Variants in RAB6A observed in about 807,000 individuals in gnomAD.
The protein encoded by RAB6A is ras-related protein Rab-6A.
In RAB6A, 8 loss-of-function variants were observed where a neutral mutation model predicts 32.3. The observed-to-expected ratio is 0.25, with a 90% CI of 0.15 to 0.45. The LOEUF is 0.45. Ranked by LOEUF, RAB6A falls within the 20% of genes least tolerant of loss-of-function variation. The probability of loss-of-function intolerance (pLI) is 1.00; values close to 1 mark genes in which losing one functional copy is unlikely to be tolerated. For synonymous variants in RAB6A, 73 were observed against 82.1 expected (o/e 0.89, Z 0.60); for missense variants, 104 against 249.4 (o/e 0.42, Z 3.93).
At chr11:73,694,939 C>T (rs1345247560) in intron 6 of RAB6A, among the ~76,000 whole-genome samples, 1 of 152,146 alleles carries the variant, frequency 6.6e-6, no homozygotes, top group East Asian at 1.9e-4. Flanking sequence ...TCGCTTGAAC[C>T]CAGGAGATTG....
At chr11:73,708,565 A>G (rs1166884557) in intron 5 of RAB6A, among the ~76,000 whole-genome samples, 4 of 152,234 alleles carry the variant, frequency 2.6e-5, no homozygotes, top group Non-Finnish European at 5.9e-5. Context: ...TTACCTTTAC[A>G]GGGTATTTTG....
chr11:73,757,521 T>C (rs1382674519), intron 1 of RAB6A, among the ~76,000 whole-genome samples: 1 of 152,084 alleles, frequency 6.6e-6, no homozygotes, highest in Non-Finnish European at 1.5e-5. Flanking sequence ...TTCAAATCAG[T>C]TCCATGAGCA....
intron 1 of RAB6A, among the ~76,000 whole-genome samples, chr11:73,745,665 T>C (rs890235596): frequency 2.6e-5 from 4 of 152,144 alleles, no homozygotes; most frequent in Admixed American, 2.6e-4. Flanking sequence ...ACCCTGTCTC[T>C]ACTAAAAATA....
chr11:73,714,207 A>AT (rs56359106), intron 5 of RAB6A, among the ~76,000 whole-genome samples: 981 of 71,234 alleles, frequency 0.014, 4 homozygotes, highest in South Asian at 0.016. Flanking sequence ...AAAAAAAAAA[A>AT]AAATATATAT....
At chr11:73,709,966 T>A (rs201893413) in intron 5 of RAB6A, among the ~76,000 whole-genome samples, 53,505 of 143,226 alleles carry the variant, frequency 0.37, 12,154 homozygotes, top group East Asian at 0.57. Flanking sequence ...TATATATTTT[T>A]TTTTTTTTTT....
At position 73,716,252 on chromosome 11, in the gene RAB6A, T is replaced by G. The variant is rs1249463207; in HGVS notation, c.400A>C (p.Arg134=). ...CACACATATAAAATAACTCCATACC[T>G]CTTGTCAGCAAGATCTGTTTTATTT... ...VGNKTDLADK[R]QVSIEEGERK... is the part of the protein sequence containing the mutation. The change falls in exon 5 of 8, where the codon AGG becomes CGG. Residue 134 remains arginine (R), a splice_region_variant and synonymous_variant. Transcript: ENST00000336083. 6.3e-7 allele frequency: 1 copy of G among 1,597,236 alleles called. No homozygotes were observed. The highest frequency in any genetic ancestry group is 1.7e-5 in the Admixed American group (1 of 59,844).
intron 1 of RAB6A, among the ~76,000 whole-genome samples, chr11:73,741,121 GACAAA>G (rs1232843088): frequency 1.3e-5 from 2 of 151,936 alleles, no homozygotes; most frequent in African/African-American, 4.8e-5. Flanking sequence ...ATATTTACCT[GACAAA>G]ACAAAATATA....
chr11:73,683,956 G>A (rs1288530567), intron 6 of RAB6A, among the ~76,000 whole-genome samples: 1 of 152,140 alleles, frequency 6.6e-6, no homozygotes, highest in Non-Finnish European at 1.5e-5. Context: ...GATCAATGCA[G>A]AAAACTACAT....
At chr11:73,733,776 T>C (rs1292840594) in intron 1 of RAB6A, among the ~76,000 whole-genome samples, 2 of 151,974 alleles carry the variant, frequency 1.3e-5, no homozygotes, top group Admixed American at 1.3e-4. Flanking sequence ...TTAATGCTGA[T>C]AGAAGTCAAG....
At chr11:73,742,641 G>T (rs867620691) in intron 1 of RAB6A, among the ~76,000 whole-genome samples, 1 of 151,976 alleles carries the variant, frequency 6.6e-6, no homozygotes, top group South Asian at 2.1e-4. Flanking sequence ...GAGAAACCCC[G>T]TCGCTACTAA....
intron 1 of RAB6A, among the ~76,000 whole-genome samples, chr11:73,753,754 C>G (rs1946704384): frequency 6.6e-6 from 1 of 152,044 alleles, no homozygotes. Context: ...CTCAAGTGAT[C>G]TGCCCACCTA....
intron 6 of RAB6A, among the ~76,000 whole-genome samples, chr11:73,686,768 G>A (rs1053002873): frequency 1.3e-5 from 2 of 152,088 alleles, no homozygotes; most frequent in African/African-American, 4.8e-5. Flanking sequence ...TCCAGGGCAA[G>A]TACTGCTATA....
At chr11:73,682,199 T>C (rs983884434) in intron 6 of RAB6A, among the ~76,000 whole-genome samples, 2 of 152,094 alleles carry the variant, frequency 1.3e-5, no homozygotes, top group Non-Finnish European at 2.9e-5. Context: ...GACACGAGCT[T>C]GTAATCCTAG....
chr11:73,739,282 A>ATATAT lies in RAB6A; in HGVS notation c.71-8460_71-8459insATATA, dbSNP rs1289309364. 5.2e-3 allele frequency among the ~76,000 whole-genome samples: 80 copies of ATATAT among 15,316 alleles called. 1 individual carries two copies. Among genetic ancestry groups the ATATAT allele is most frequent in the East Asian group, 0.012 (2 of 164 alleles). 10.0% of individuals were successfully genotyped at this position (15,316 alleles called of 152,430 possible). A position where few individuals can be genotyped will look rare whatever the true frequency, so the allele number is the denominator to read the frequency against. ...AATAATTAAAAAAAAAAAAAAAAAA[A>ATATAT]AAATATATATATATATATATATAAA... On this transcript the variant is annotated intron_variant, in intron 1 of 7. Transcript: ENST00000336083.
rs772655452 is a variant in RAB6A, at chr11:73,677,566, TC to T, written c.*331del. The T allele has an allele frequency of 1.8e-6, 1 of 556,856 alleles. No individual in the cohort carries two copies. The highest frequency in any genetic ancestry group is 3.2e-6 in the Non-Finnish European group (1 of 316,170). 34.5% of individuals were successfully genotyped at this position (556,856 alleles called of 1,614,324 possible). The stretch of plus-strand genomic sequence containing the variant: ...ATACCGCTCGTTAACCAAGCCATAC[TC>T]ATACTGTTGAGATTTCCATCATTTT... On this transcript the variant is annotated 3_prime_UTR_variant, in exon 8 of 8. Coordinates refer to ENST00000336083, the MANE Select transcript of RAB6A (RefSeq NM_198896.2).
chr11:73,730,664 C>G (rs758188886), intron 2 of RAB6A, 101 bp downstream of exon 2: 15 of 938,360 alleles, frequency 1.6e-5, no homozygotes, highest in Non-Finnish European at 2.5e-5. Flanking sequence ...ATAGAAAGTA[C>G]TTTTACATCC....
intron 1 of RAB6A, among the ~76,000 whole-genome samples, chr11:73,743,453 G>C (rs1946532884): frequency 6.6e-6 from 1 of 152,070 alleles, no homozygotes; most frequent in Non-Finnish European, 1.5e-5. Context: ...AGGTCATCAA[G>C]GACCTTTATG....
chr11:73,689,921 C>T (rs544565083), intron 6 of RAB6A, among the ~76,000 whole-genome samples: 2 of 150,862 alleles, frequency 1.3e-5, no homozygotes, highest in South Asian at 2.1e-4. Flanking sequence ...AAAAAAAGAC[C>T]GACTCAGGCA....
intron 6 of RAB6A, among the ~76,000 whole-genome samples, chr11:73,681,323 G>A (rs1237108351): frequency 2.0e-5 from 3 of 152,164 alleles, no homozygotes; most frequent in Non-Finnish European, 4.4e-5. Context: ...TCCAACTCAG[G>A]AGGCTGAAAA....
Sources: allele counts gnomAD v4.1 joint callset (sites outside exome capture counted in the v4.1 genomes callset), GRCh38; gene constraint gnomAD v4.1.1; transcripts MANE v1.5; gene names NCBI Gene and HGNC (gene_info 2026-07-23, HGNC 2026-07-21).